Variants in NPR2 observed in about 807,000 individuals in gnomAD.
NPR2 encodes natriuretic peptide receptor 2, also known as atrial natriuretic peptide receptor 2.
In NPR2, 49 loss-of-function variants were observed where a neutral mutation model predicts 120.7. The observed-to-expected ratio is 0.41, with a 90% CI of 0.32 to 0.52. NPR2 has a LOEUF of 0.52. Among genes scored for constraint, NPR2 ranks in the 20% least tolerant of loss-of-function variants. The pLI, the probability that NPR2 is intolerant of heterozygous loss-of-function variation, is 0.36. For missense variants in NPR2, 931 were observed against 1,362.9 expected, an observed-to-expected ratio of 0.68 and a Z score of 4.99; for synonymous variants, 484 against 519.8, an observed-to-expected ratio of 0.93 and a Z score of 0.94.
Position 35,800,215 on chromosome 9 carries a change from A to G in NPR2, c.1123+58A>G. 2.0e-6 allele frequency: 3 copies of G among 1,532,244 alleles called. No homozygotes were observed. Among genetic ancestry groups the G allele is most frequent in the Non-Finnish European group, 2.7e-6 (3 of 1,105,412 alleles). 94.9% of individuals were successfully genotyped at this position (1,532,244 alleles called of 1,614,324 possible). A position where few individuals can be genotyped will look rare whatever the true frequency, so the allele number is the denominator to read the frequency against. ...CTGATGTCAGGAATAGAGTGGGCTG[A>G]AGAAGAAACAGATGTCAGGATCACC... On this transcript the variant is annotated intron_variant, in intron 4 of 21. Transcript: ENST00000342694. This position sits in a 1 kb window ranked among gnomAD's most constrained non-coding sequence, Gnocchi z 4.7.
intron 2 of NPR2, among the ~76,000 whole-genome samples, 180 bp from the exon 3 acceptor site, chr9:35,799,438 A>ACACACACG: frequency 6.6e-6 from 1 of 151,870 alleles, no homozygotes; most frequent in Admixed American, 6.6e-5. Flanking sequence ...ACACACACAC[A>ACACACACG]CACACACGCA....
chr9:35,808,588 C>T lies in NPR2; in HGVS notation c.2792C>T (p.Ala931Val). The change falls in exon 19 of 22, where the codon GCT becomes GTT. Residue 931 changes from alanine (A) to valine (V), a missense_variant. By Grantham distance (64) the Ala-to-Val change is moderately conservative. Around this residue, in one of 3 missense-constraint regions of NPR2, gnomAD observed 184 missense variants for 328.3 expected, o/e 0.56. Transcript: ENST00000342694. This position sits in a 1 kb window ranked among gnomAD's most constrained non-coding sequence, Gnocchi z 4.0. The stretch of plus-strand genomic sequence containing the variant: ...GGTCAACGCCATGCACCAGAAATTG[C>T]TCGTATGGCCCTAGCATTACTAGAT... The part of the protein sequence containing the change: ...RNGQRHAPEI[A>V]RMALALLDAV... 6.2e-7 allele frequency: 1 copy of T among 1,614,148 alleles called. No individual in the cohort carries two copies. The highest frequency in any genetic ancestry group is 1.1e-5 in the South Asian group (1 of 91,086).
At chr9:35,803,453 A>C (rs572746945) in intron 12 of NPR2, among the ~76,000 whole-genome samples, 1 of 152,138 alleles carries the variant, frequency 6.6e-6, no homozygotes. Context: ...CTCTCCGAAC[A>C]TATTTATCTC....
At position 35,809,331 on chromosome 9, in the gene NPR2, A is replaced by AG. The variant is rs1292797297; in HGVS notation, c.3079-46dup. 50 of 1,611,860 alleles carry AG rather than the reference A, an allele frequency of 3.1e-5. No homozygotes were observed. Among genetic ancestry groups the AG allele is most frequent in the Non-Finnish European group, 4.0e-5 (47 of 1,178,302 alleles). On this transcript the variant is annotated intron_variant, in intron 21 of 21. Coordinates refer to ENST00000342694, the MANE Select transcript of NPR2 (RefSeq NM_003995.4). The surrounding 1 kb of genome is among the most constrained non-coding windows in gnomAD (Gnocchi z 4.1). ...ATCATAGGGAAAGAGAGGGAGACAA[A>AG]GGGACTAACATCGAAGCATCTGAAT...
rs985571248 is a variant in NPR2, at chr9:35,792,419, C to T, written c.11C>T (p.Pro4Leu). 1.2e-6 allele frequency: 2 copies of T among 1,611,274 alleles called. No individual in the cohort carries two copies. Among genetic ancestry groups the T allele is most frequent in the African/African-American group, 2.7e-5 (2 of 74,898 alleles). Residue 4 changes from proline (P) to leucine (L), a missense_variant, in exon 1 of 22, where the codon CCA becomes CTA. By Grantham distance (98) the Pro-to-Leu change is moderately conservative (BLOSUM62 -3). This residue lies in a region of NPR2 where 681 missense variants were observed against 974.3 expected (regional missense o/e 0.70). Coordinates refer to ENST00000342694, the MANE Select transcript of NPR2 (RefSeq NM_003995.4). The stretch of plus-strand genomic sequence containing the variant: ...TGCTGCTTTATCCCCATGGCGCTGC[C>T]ATCACTTCTGCTGTTGGTGGCAGCC... MAL[P>L]SLLLLVAALA...
chr9:35,795,325 G>A (rs61758521), intron 2 of NPR2, among the ~76,000 whole-genome samples: 1 of 152,036 alleles, frequency 6.6e-6, no homozygotes, highest in Non-Finnish European at 1.5e-5. Flanking sequence ...TCATACCCAT[G>A]AATCTTCCCG....
In NPR2 at chr9:35,809,036, T is replaced by G; in HGVS notation, c.2987-120T>G. 9.3e-7 allele frequency: 1 copy of G among 1,069,832 alleles called. No individual in the cohort carries two copies. Among genetic ancestry groups the G allele is most frequent in the Non-Finnish European group, 1.5e-6 (1 of 688,558 alleles). 66.3% of individuals were successfully genotyped at this position (1,069,832 alleles called of 1,614,324 possible). ...GGGCATATTTTGGTCCTAATAGATA[T>G]GCATTGGGAGCTTCCCAGGGATGGT... On this transcript the variant is annotated intron_variant, in intron 20 of 21. Coordinates refer to ENST00000342694, the MANE Select transcript of NPR2 (RefSeq NM_003995.4). The surrounding 1 kb of genome is among the most constrained non-coding windows in gnomAD (Gnocchi z 4.1).
rs1316663800 is a variant in NPR2 at position 35,805,656 on chromosome 9, A to G, written c.2033A>G (p.His678Arg). 13 of 1,613,960 alleles carry G rather than the reference A, an allele frequency of 8.1e-6. No homozygotes were observed. The highest frequency in any genetic ancestry group is 9.3e-6 in the Non-Finnish European group (11 of 1,180,048). The change falls in exon 13 of 22, where the codon CAT (histidine) becomes CGT (arginine). Residue 678 changes from histidine (H) to arginine (R), a missense_variant. His to Arg is a conservative substitution (Grantham distance 29). Around this residue, in one of 3 missense-constraint regions of NPR2, gnomAD observed 681 missense variants for 974.3 expected, o/e 0.70. Transcript: ENST00000342694. This position sits in a 1 kb window ranked among gnomAD's most constrained non-coding sequence, Gnocchi z 4.9. ...FRSTAEPDDS[H>R]ALYAKKLWTA... is the part of the protein sequence containing the mutation. The stretch of plus-strand genomic sequence containing the variant: ...TCAACTGCTGAACCTGATGACAGCC[A>G]TGCCCTCTATGCCAGTGAGGCCCAC...
At chr9:35,799,417 A>AAC (rs10603903) in intron 2 of NPR2, among the ~76,000 whole-genome samples, 5,385 of 147,494 alleles carry the variant, frequency 0.037, 114 homozygotes, top group Admixed American at 0.058. Flanking sequence ...TATGCAACAC[A>AAC]ACACACACAC....
At position 35,800,639 on chromosome 9, in the gene NPR2, A is replaced by T. The variant is rs184410474; in HGVS notation, c.1219-70A>T. On this transcript the variant is annotated intron_variant, in intron 5 of 21. Coordinates refer to ENST00000342694, the MANE Select transcript of NPR2 (RefSeq NM_003995.4). The surrounding 1 kb of genome is among the most constrained non-coding windows in gnomAD (Gnocchi z 4.7). ...TGGTAGGCTGGGGAGAAAAGCAGCGAAACAGCTGGGGTCTGGGGAGGAGGC... is the reference window on the plus strand; with the variant it reads ...TGGTAGGCTGGGGAGAAAAGCAGCGTAACAGCTGGGGTCTGGGGAGGAGGC... 6.2e-7 allele frequency: 1 copy of T among 1,612,734 alleles called. No homozygotes were observed. The highest frequency in any genetic ancestry group is 1.8e-4 in the Middle Eastern group (1 of 5,678).
Position 35,800,929 on chromosome 9 carries a change from G to C in NPR2, c.1351+88G>C. Reference sequence around the variant, plus strand: ...CCTCACTGACCCTCCACTCTTAACTGTGCTTCTGCCTTTACGTCTGCATCC... The same window carrying C: ...CCTCACTGACCCTCCACTCTTAACTCTGCTTCTGCCTTTACGTCTGCATCC... On this transcript the variant is annotated intron_variant, in intron 6 of 21. Transcript: ENST00000342694. This position sits in a 1 kb window ranked among gnomAD's most constrained non-coding sequence, Gnocchi z 4.7. The C allele has an allele frequency of 6.3e-7, 1 of 1,590,834 alleles. No homozygotes were observed.
Position 35,802,862 on chromosome 9 carries a change from G to A in NPR2, c.1887+59G>A. On this transcript the variant is annotated intron_variant, in intron 12 of 21. Transcript: ENST00000342694. The surrounding 1 kb of genome is among the most constrained non-coding windows in gnomAD (Gnocchi z 4.2). ...CTTTAAATCACTTCCACTGTTCTTT[G>A]ATTGTGGTTTTTCTCCTTCTAGTCC... 1 of 1,189,282 alleles carries A rather than the reference G, an allele frequency of 8.4e-7. No individual in the cohort carries two copies. 73.7% of individuals were successfully genotyped at this position (1,189,282 alleles called of 1,614,324 possible).
chr9:35,800,857 G>A lies in NPR2; in HGVS notation c.1351+16G>A. The A allele has an allele frequency of 3.1e-6, 5 of 1,614,112 alleles. No individual in the cohort carries two copies. The highest frequency in any genetic ancestry group is 4.2e-6 in the Non-Finnish European group (5 of 1,180,006). ...TGTGATAAAAGTGGGTGTGTGCAGG[G>A]ACTGGGAGCAGCTTTCCTCCCTTTG... On this transcript the variant is annotated intron_variant, in intron 6 of 21. Coordinates refer to ENST00000342694, the MANE Select transcript of NPR2 (RefSeq NM_003995.4). This position sits in a 1 kb window ranked among gnomAD's most constrained non-coding sequence, Gnocchi z 4.7.
At position 35,802,674 on chromosome 9, in the gene NPR2, A is replaced by C. The variant is rs1018640783; in HGVS notation, c.1816-58A>C. On this transcript the variant is annotated intron_variant, in intron 11 of 21. Transcript: ENST00000342694. This position sits in a 1 kb window ranked among gnomAD's most constrained non-coding sequence, Gnocchi z 4.2. ...ATAGACCCAAAGTTATACTGACTCTATGCTGGGTGATAGCTGGTGGGACCA... is the reference window on the plus strand; with the variant it reads ...ATAGACCCAAAGTTATACTGACTCTCTGCTGGGTGATAGCTGGTGGGACCA... 3.4e-6 allele frequency: 5 copies of C among 1,483,480 alleles called. No homozygotes were observed. In the African/African-American group the frequency reaches 5.5e-5, roughly 16 times the overall value. 91.9% of individuals were successfully genotyped at this position (1,483,480 alleles called of 1,614,324 possible). A position where few individuals can be genotyped will look rare whatever the true frequency, so the allele number is the denominator to read the frequency against.
chr9:35,792,147 C>G lies in NPR2; in HGVS notation c.-262C>G. 4.3e-6 allele frequency: 2 copies of G among 470,178 alleles called. No homozygotes were observed. Among genetic ancestry groups the G allele is most frequent in the Non-Finnish European group, 3.9e-6 (1 of 257,608 alleles). 29.1% of individuals were successfully genotyped at this position (470,178 alleles called of 1,614,324 possible). On this transcript the variant is annotated 5_prime_UTR_variant, in exon 1 of 22. Transcript: ENST00000342694. ...CATCCTGGCCGCAGGCCCCCTCGGTCCCTCCCTCCCCCTGCCACCCCGTTC... is the reference window on the plus strand; with the variant it reads ...CATCCTGGCCGCAGGCCCCCTCGGTGCCTCCCTCCCCCTGCCACCCCGTTC...
In NPR2 at chr9:35,809,607, C is replaced by A; in HGVS notation, c.*162C>A. On this transcript the variant is annotated 3_prime_UTR_variant, in exon 22 of 22. Coordinates refer to ENST00000342694, the MANE Select transcript of NPR2 (RefSeq NM_003995.4). The surrounding 1 kb of genome is among the most constrained non-coding windows in gnomAD (Gnocchi z 4.1). The stretch of plus-strand genomic sequence containing the variant: ...GAAGTTGTAGCCCTCTGCAGCTCAG[C>A]CCTGTACATATACCTGTCCCTCTCT... 1 of 1,228,406 alleles carries A rather than the reference C, an allele frequency of 8.1e-7. No individual in the cohort carries two copies. Among genetic ancestry groups the A allele is most frequent in the Non-Finnish European group, 1.2e-6 (1 of 835,348 alleles). The allele number at this position is 1,228,406 out of a possible 1,614,324, so 76.1% of individuals were successfully genotyped here.
rs748592070 is a variant in NPR2, at chr9:35,802,708, A to C, written c.1816-24A>C. 1 of 1,580,718 alleles carries C rather than the reference A, an allele frequency of 6.3e-7. No individual in the cohort carries two copies. Among genetic ancestry groups the C allele is most frequent in the South Asian group, 1.1e-5 (1 of 90,406 alleles). ...GATAGCTGGTGGGACCAGGACAGAC[A>C]GTCTATTCCATGTCACTTACCAGGA... On this transcript the variant is annotated intron_variant, in intron 11 of 21. Transcript: ENST00000342694. This position sits in a 1 kb window ranked among gnomAD's most constrained non-coding sequence, Gnocchi z 4.2.
chr9:35,801,685 T>A lies in NPR2; in HGVS notation c.1479T>A (p.Arg493=), dbSNP rs1588060148. 1 of 1,614,140 alleles carries A rather than the reference T, an allele frequency of 6.2e-7. No individual in the cohort carries two copies. The highest frequency in any genetic ancestry group is 1.6e-4 in the Middle Eastern group (1 of 6,062). The change falls in exon 8 of 22, where the codon CGT becomes CGA. Residue 493 remains arginine, a synonymous_variant. Coordinates refer to ENST00000342694, the MANE Select transcript of NPR2 (RefSeq NM_003995.4). The stretch of plus-strand genomic sequence containing the variant: ...AGGAGCTGGCTAGCATGTTGTGGCG[T>A]ATTCGCTGGGAAGAACTGCAGTTTG... ...LEKELASMLW[R]IRWEELQFGN... is the part of the protein sequence containing the mutation.
rs1827820431 is a variant in NPR2 at position 35,792,628 on chromosome 9, G to C, written c.220G>C (p.Ala74Pro). The C allele has an allele frequency of 6.2e-7, 1 of 1,613,778 alleles. No individual in the cohort carries two copies. Among genetic ancestry groups the C allele is most frequent in the South Asian group, 1.1e-5 (1 of 91,090 alleles). The change falls in exon 1 of 22, where the codon GCC becomes CCC. Residue 74 changes from alanine to proline, a missense_variant. Physicochemically the swap from Ala to Pro is conservative, Grantham distance 27 (BLOSUM62 -1). Around this residue, in one of 3 missense-constraint regions of NPR2, gnomAD observed 681 missense variants for 974.3 expected, o/e 0.70. Transcript: ENST00000342694. ...LRFVSSELEG[A>P]CSEYLAPLSA... ...GTTTGTCAGCTCCGAACTGGAAGGC[G>C]CCTGCTCTGAGTACCTGGCACCGCT... is the stretch of plus-strand genomic sequence containing the variant.
Sources: allele counts gnomAD v4.1 joint callset (sites outside exome capture counted in the v4.1 genomes callset), GRCh38; gene constraint gnomAD v4.1.1; regional missense constraint gnomAD v4.1.1; non-coding constraint Gnocchi (gnomAD v3.1); transcripts MANE v1.5; gene names NCBI Gene and HGNC (gene_info 2026-07-23, HGNC 2026-07-21).